Variants in PLOD2 observed in about 807,000 individuals in gnomAD.
PLOD2 encodes lysine hydroxylase 2.
In PLOD2, 65 loss-of-function variants were observed where a neutral mutation model predicts 101.0. That is an observed-to-expected ratio of 0.64 (90% CI 0.53 to 0.79). The LOEUF (loss-of-function observed/expected upper bound fraction) is 0.79. Among genes scored for constraint, PLOD2 ranks in the 30% least tolerant of loss-of-function variants. The pLI, the probability that PLOD2 is intolerant of heterozygous loss-of-function variation, is 0.00. For synonymous variants in PLOD2, 314 were observed against 302.9 expected (o/e 1.04, Z -0.38); for missense variants, 909 against 914.6 (o/e 0.99, Z 0.08).
Position 146,081,735 on chromosome 3 carries a change from T to TA in PLOD2, c.1358+2dup. 6.2e-7 allele frequency: 1 copy of TA among 1,603,126 alleles called. No homozygotes were observed. The highest frequency in any genetic ancestry group is 8.5e-7 in the Non-Finnish European group (1 of 1,170,426). On this transcript the variant is annotated splice_region_variant and intron_variant, in intron 12 of 19. Transcript: ENST00000282903. ...CATTAAAATATTAAACCAAGTAACT[T>TA]ACACTCTATTCCCTTGAACAATATC...
At chr3:146,140,033 G>A (rs888755821) in intron 1 of PLOD2, among the ~76,000 whole-genome samples, 2 of 152,024 alleles carry the variant, frequency 1.3e-5, no homozygotes, top group Non-Finnish European at 2.9e-5. Flanking sequence ...TAAGCAAGAT[G>A]CATATTTAAG....
At chr3:146,109,666 A>G (rs1188706328) in intron 4 of PLOD2, among the ~76,000 whole-genome samples, 1 of 152,202 alleles carries the variant, frequency 6.6e-6, no homozygotes, top group Non-Finnish European at 1.5e-5. Flanking sequence ...ATAAATTTGT[A>G]GCCATTATAA....
At chr3:146,082,137 T>G (rs1936566539) in intron 11 of PLOD2, among the ~76,000 whole-genome samples, 1 of 152,142 alleles carries the variant, frequency 6.6e-6, no homozygotes, top group East Asian at 1.9e-4. Flanking sequence ...AAAAATGACT[T>G]TTAAAAATGC....
rs1242198974 is a variant in PLOD2 at position 146,120,290 on chromosome 3, A to G, written c.338+822T>C. Among the ~76,000 whole-genome samples, 7 of 151,900 alleles carry G rather than the reference A, an allele frequency of 4.6e-5. No individual in the cohort carries two copies. The South Asian group carries it at 1.0e-3, about 23-fold the overall frequency. On this transcript the variant is annotated intron_variant, in intron 3 of 19. Coordinates refer to ENST00000282903, the MANE Select transcript of PLOD2 (RefSeq NM_182943.3). ...CCTTCACACACTTTTTGATGGCCCT[A>G]TTTGTTTTTTTCTTGTAAATTTGTT... is the stretch of plus-strand genomic sequence containing the variant.
chr3:146,139,196 G>A (rs73865322), intron 1 of PLOD2, among the ~76,000 whole-genome samples: 1,569 of 152,188 alleles, frequency 0.01, 34 homozygotes, highest in African/African-American at 0.036. Context: ...AACATTGATG[G>A]ACAGATTAAA....
chr3:146,101,884 G>A (rs940008112), intron 7 of PLOD2, among the ~76,000 whole-genome samples: 6 of 152,198 alleles, frequency 3.9e-5, no homozygotes, highest in Non-Finnish European at 5.9e-5. Flanking sequence ...GGAATGGGAT[G>A]AAAACCAAAG....
chr3:146,114,679 G>C (rs1046169508), intron 3 of PLOD2, among the ~76,000 whole-genome samples: 3 of 152,124 alleles, frequency 2.0e-5, no homozygotes. Flanking sequence ...GCAAAATTTG[G>C]TACGAAGAGT....
At chr3:146,123,330 TA>T (rs768191639) in intron 2 of PLOD2, 75 of 1,092,676 alleles carry the variant, frequency 6.9e-5, no homozygotes, top group South Asian at 1.1e-4. Context: ...TTCTTTCTAT[TA>T]AAAAAAACAA....
intron 1 of PLOD2, among the ~76,000 whole-genome samples, chr3:146,128,615 A>C (rs542119267): frequency 5.6e-4 from 85 of 152,240 alleles, no homozygotes; most frequent in Middle Eastern, 3.4e-3. Context: ...TGAATTTCAT[A>C]ATTTCCCCAA....
intron 6 of PLOD2, among the ~76,000 whole-genome samples, chr3:146,103,583 G>C (rs1198190426): frequency 6.6e-6 from 1 of 151,642 alleles, no homozygotes; most frequent in East Asian, 1.9e-4. Context: ...CTCTCATATA[G>C]CTGGGACTAT....
intron 17 of PLOD2, among the ~76,000 whole-genome samples, chr3:146,071,704 T>C (rs1256316160): frequency 6.6e-6 from 1 of 151,730 alleles, no homozygotes. Flanking sequence ...AAAATTGACT[T>C]CCTAAGCCCT....
chr3:146,070,925 A>T, intron 19 of PLOD2, 53 bp from the exon 20 acceptor site: 1 of 1,543,108 alleles, frequency 6.5e-7, no homozygotes, highest in Non-Finnish European at 8.9e-7. Flanking sequence ...CCAGTGGCAA[A>T]ATTCAAATTA....
rs58957322 is a variant in PLOD2, at chr3:146,144,202, G to A, written c.109+16679C>T. On this transcript the variant is annotated intron_variant, in intron 1 of 19. Transcript: ENST00000282903. ...TACCTTCCCAATACATTTGTTTACCGTCCTTTCTAACTCCACTAGAATGTA... is the reference window on the plus strand; with the variant it reads ...TACCTTCCCAATACATTTGTTTACCATCCTTTCTAACTCCACTAGAATGTA... 3.5e-3 allele frequency among the ~76,000 whole-genome samples: 538 copies of A among 151,574 alleles called. 6 individuals carry two copies. The highest frequency in any genetic ancestry group is 0.029 in the South Asian group (138 of 4,750).
intron 7 of PLOD2, among the ~76,000 whole-genome samples, chr3:146,099,380 G>T (rs1937308096): frequency 6.6e-6 from 1 of 151,936 alleles, no homozygotes; most frequent in Non-Finnish European, 1.5e-5. Context: ...AAATTCTCAG[G>T]ACCAAAATCA....
intron 1 of PLOD2, among the ~76,000 whole-genome samples, chr3:146,147,753 T>G (rs186198111): frequency 6.7e-4 from 102 of 152,208 alleles, no homozygotes; most frequent in Non-Finnish European, 2.4e-4. Context: ...AGAAAAATAA[T>G]TTCAGAAACA....
chr3:146,155,264 T>C (rs1382063311), intron 1 of PLOD2, among the ~76,000 whole-genome samples: 2 of 152,054 alleles, frequency 1.3e-5, no homozygotes, highest in East Asian at 1.9e-4. Context: ...TTTCAGGCTG[T>C]AGTGAGCTAT....
chr3:146,129,303 AT>A (rs985832313), intron 1 of PLOD2, among the ~76,000 whole-genome samples: 1 of 152,022 alleles, frequency 6.6e-6, no homozygotes, highest in Non-Finnish European at 1.5e-5. Context: ...TTTTTTCCTT[AT>A]TTTTTTACAA....
At chr3:146,130,646 C>T (rs1357992393) in intron 1 of PLOD2, among the ~76,000 whole-genome samples, 10 of 152,162 alleles carry the variant, frequency 6.6e-5, no homozygotes, top group Admixed American at 6.6e-4. Context: ...TTAGCATAAT[C>T]ATCTCAAATT....
chr3:146,091,306 G>A (rs1352054510), intron 8 of PLOD2, among the ~76,000 whole-genome samples: 2 of 151,732 alleles, frequency 1.3e-5, no homozygotes, highest in South Asian at 2.1e-4. Flanking sequence ...CAGTTTTCTC[G>A]TCTGTAAAAC....
Sources: gnomAD v4.1 joint callset for allele counts (sites outside exome capture counted in the v4.1 genomes callset) on GRCh38, gnomAD v4.1.1 for gene constraint, MANE v1.5 for transcripts, NCBI Gene and HGNC (gene_info 2026-07-23, HGNC 2026-07-21) for gene names.